PRDM11: variants seen among roughly 807,000 people sequenced by gnomAD.
PRDM11 encodes the protein PR domain-containing protein 11.
PRDM11 carries 20 observed loss-of-function variants against 97.8 expected under a neutral mutation model. The ratio of observed to expected loss-of-function variants is 0.20; its 90% CI spans 0.14 to 0.30. The LOEUF is 0.30. Among genes scored for constraint, PRDM11 ranks in the 10% least tolerant of loss-of-function variants. PRDM11 has a pLI of 1.00. For missense variants in PRDM11, 1,139 were observed against 1,555.2 expected (o/e 0.73, Z 4.50); for synonymous variants, 599 against 637.7 (o/e 0.94, Z 0.91).
intron 5 of PRDM11, chr11:45,213,798 G>A: frequency 2.2e-6 from 1 of 446,306 alleles, no homozygotes; most frequent in Non-Finnish European, 4.6e-6. Flanking sequence ...CAGCCAGTTA[G>A]TGAGAGGGCC....
chr11:45,131,564 G>C (rs1250581462), intron 1 of PRDM11, among the ~76,000 whole-genome samples: 1 of 152,162 alleles, frequency 6.6e-6, no homozygotes, highest in Non-Finnish European at 1.5e-5. Context: ...GATTTGTGCA[G>C]GGTGTTGTCA....
intron 1 of PRDM11, among the ~76,000 whole-genome samples, chr11:45,147,094 C>T (rs1851531430): frequency 6.7e-6 from 1 of 149,068 alleles, no homozygotes; most frequent in Non-Finnish European, 1.5e-5. Context: ...TGGGTGAACC[C>T]TCGGCAGGTA....
intron 1 of PRDM11, among the ~76,000 whole-genome samples, chr11:45,125,555 G>A (rs1273156431): frequency 1.3e-5 from 2 of 152,110 alleles, no homozygotes; most frequent in East Asian, 3.8e-4. Context: ...GTTCTCATTG[G>A]TTTCAAAGAA....
chr11:45,132,994 C>T (rs1407623598), intron 1 of PRDM11, among the ~76,000 whole-genome samples: 5 of 152,184 alleles, frequency 3.3e-5, no homozygotes. Context: ...CCATCCCCAT[C>T]CCCAAATTAA....
upstream of PRDM11, among the ~76,000 whole-genome samples, chr11:45,142,699 G>C (rs1851430907): frequency 6.6e-6 from 1 of 152,200 alleles, no homozygotes; most frequent in African/African-American, 2.4e-5. Flanking sequence ...CTTAGCCACT[G>C]TCAGCAGCTG....
At chr11:45,134,701 G>GAAAAAAAA (rs1191008824) in intron 1 of PRDM11, among the ~76,000 whole-genome samples, 805 of 44,358 alleles carry the variant, frequency 0.018, 87 homozygotes, top group African/African-American at 0.041. Flanking sequence ...CCTGTCTCAC[G>GAAAAAAAA]AAAAAAAAAA....
intron 4 of PRDM11, among the ~76,000 whole-genome samples, chr11:45,192,898 A>G (rs924749187): frequency 6.6e-6 from 1 of 152,212 alleles, no homozygotes; most frequent in Non-Finnish European, 1.5e-5. Flanking sequence ...TTCTAATGGG[A>G]TAGTTGATGA....
At chr11:45,162,227 G>A (rs536985427) in intron 1 of PRDM11, among the ~76,000 whole-genome samples, 5 of 152,298 alleles carry the variant, frequency 3.3e-5, no homozygotes, top group East Asian at 1.9e-4. Context: ...CTGTCTACCC[G>A]TCTGGGGTGA....
rs976804475 is a variant in PRDM11 at position 45,232,172 on chromosome 11, G to T, written c.*4013G>T. 2.0e-5 allele frequency: 3 copies of T among 152,026 alleles called. No individual in the cohort carries two copies. Among genetic ancestry groups the T allele is most frequent in the African/African-American group, 4.8e-5 (2 of 41,384 alleles). The allele number at this position is 152,026 out of a possible 1,614,324, so 9.4% of individuals were successfully genotyped here. On this transcript the variant is annotated 3_prime_UTR_variant, in exon 8 of 8. Transcript: ENST00000683152. ...ATTCATTTGGAGGTGGTGCCAACAG[G>T]GGGGAAAGCATGCAGAAGGCTGGAA...
chr11:45,189,336 A>G (rs1324836572), intron 4 of PRDM11, among the ~76,000 whole-genome samples: 1 of 152,216 alleles, frequency 6.6e-6, no homozygotes, highest in Non-Finnish European at 1.5e-5. Context: ...GAAGAAAGGA[A>G]AACAAGGGTG....
intron 1 of PRDM11, among the ~76,000 whole-genome samples, chr11:45,161,980 T>C (rs1046587503): frequency 6.6e-6 from 1 of 152,234 alleles, no homozygotes; most frequent in African/African-American, 2.4e-5. Flanking sequence ...CCGGTTCTTT[T>C]TCATGAGGCG....
At chr11:45,098,476 T>A (rs56989510) in intron 1 of PRDM11, among the ~76,000 whole-genome samples, 1 of 151,732 alleles carries the variant, frequency 6.6e-6, no homozygotes, top group African/African-American at 2.4e-5. Flanking sequence ...GAGGTTGGCA[T>A]GAGATGAGGT....
Position 45,156,940 on chromosome 11 carries a change from C to T in PRDM11, c.-7+10063C>T, listed in dbSNP as rs572791641. Among the ~76,000 whole-genome samples the T allele has an allele frequency of 1.4e-4, 22 of 152,198 alleles. No individual in the cohort carries two copies. The South Asian group carries it at 3.1e-3, about 22-fold the overall frequency. Reference sequence around the variant, plus strand: ...GACCCCATGGTTCAGGAATGGCAAGCGGTCATGGGTGTTTAGAGAAGCAGT... The same window carrying T: ...GACCCCATGGTTCAGGAATGGCAAGTGGTCATGGGTGTTTAGAGAAGCAGT... On this transcript the variant is annotated intron_variant, in intron 1 of 7. Coordinates refer to ENST00000683152, the MANE Select transcript of PRDM11 (RefSeq NM_001384648.1).
intron 5 of PRDM11, among the ~76,000 whole-genome samples, chr11:45,208,510 G>T (rs7128207): frequency 0.48 from 73,758 of 152,090 alleles, 18,789 homozygotes; most frequent in Admixed American, 0.57. Flanking sequence ...ATCATGATGT[G>T]TTTCCCTCCT....
intron 4 of PRDM11, among the ~76,000 whole-genome samples, chr11:45,203,153 G>C (rs1482177228): frequency 6.6e-6 from 1 of 152,154 alleles, no homozygotes; most frequent in African/African-American, 2.4e-5. Flanking sequence ...TCTAGGCATG[G>C]TGACTATCCA....
At chr11:45,122,722 T>G (rs1743977350) in intron 1 of PRDM11, among the ~76,000 whole-genome samples, 1 of 152,162 alleles carries the variant, frequency 6.6e-6, no homozygotes, top group Admixed American at 6.5e-5. Flanking sequence ...GTGCCACATT[T>G]TCTTAATCCA....
rs1854468293 is a variant in PRDM11 at position 45,234,630 on chromosome 11, A to AGC, written c.*6472_*6473dup. The AGC allele has an allele frequency of 6.6e-6, 1 of 152,238 alleles. No individual in the cohort carries two copies. The highest frequency in any genetic ancestry group is 1.5e-5 in the Non-Finnish European group (1 of 68,134). The allele number at this position is 152,238 out of a possible 1,614,324, so 9.4% of individuals were successfully genotyped here. The stretch of plus-strand genomic sequence containing the variant: ...ACAATGCACTGTACCTCAGAGAGAG[A>AGC]GCACGCCAGGGGCACCAAGGGACCG... On this transcript the variant is annotated 3_prime_UTR_variant, in exon 8 of 8. Transcript: ENST00000683152.
intron 4 of PRDM11, among the ~76,000 whole-genome samples, chr11:45,196,723 G>A (rs1430789310): frequency 6.6e-6 from 1 of 152,202 alleles, no homozygotes. Flanking sequence ...AGGGTAGCGG[G>A]TGGTTGGTCC....
At position 45,101,564 on chromosome 11, in the gene PRDM11, A is replaced by AGAAGAAGAAGAAGAAGAAGAAG. The variant is rs1554963199; in HGVS notation, c.96+5663_96+5664insGAAGAAGAAGAAGAAGAAGAAG. ...GAGCAACACTCTGTCTCAAAAAAAA[A>AGAAGAAGAAGAAGAAGAAGAAG]AAAAAGAAGAAGAAGAAGAAGAAGA... is the stretch of plus-strand genomic sequence containing the variant. On this transcript the variant is annotated intron_variant, in intron 1 of 6. Coordinates refer to the PRDM11 transcript ENST00000530656. 5.5e-5 allele frequency among the ~76,000 whole-genome samples: 6 copies of AGAAGAAGAAGAAGAAGAAGAAG among 108,546 alleles called. 1 individual carries two copies. Among genetic ancestry groups the AGAAGAAGAAGAAGAAGAAGAAG allele is most frequent in the African/African-American group, 3.1e-4 (6 of 19,652 alleles). The allele number at this position is 108,546 out of a possible 152,430, so 71.2% of individuals were successfully genotyped here.
Sources: allele counts gnomAD v4.1 joint callset (sites outside exome capture counted in the v4.1 genomes callset), GRCh38; gene constraint gnomAD v4.1.1; transcripts MANE v1.5; gene names NCBI Gene and HGNC (gene_info 2026-07-23, HGNC 2026-07-21).